Variants in ZDHHC17 observed in about 807,000 individuals in gnomAD.
ZDHHC17 encodes zDHHC palmitoyltransferase 17, also known as palmitoyltransferase ZDHHC17.
ZDHHC17 carries 40 observed loss-of-function variants against 90.3 expected under a neutral mutation model. The observed-to-expected ratio is 0.44, with a 90% CI of 0.34 to 0.58. The LOEUF is 0.58. Among genes scored for constraint, ZDHHC17 ranks in the 20% least tolerant of loss-of-function variants. The pLI is 0.01. For missense variants in ZDHHC17, 614 were observed against 780.8 expected (o/e 0.79, Z 2.55); for synonymous variants, 235 against 252.4 (o/e 0.93, Z 0.65).
chr12:76,770,793 C>T (rs530222867), intron 1 of ZDHHC17, among the ~76,000 whole-genome samples: 22 of 151,960 alleles, frequency 1.4e-4, no homozygotes, highest in African/African-American at 4.6e-4. Flanking sequence ...AAAAATTAGC[C>T]GGGCATGGGG....
intron 1 of ZDHHC17, among the ~76,000 whole-genome samples, chr12:76,794,081 TTC>T: frequency 6.6e-6 from 1 of 152,056 alleles, no homozygotes; most frequent in South Asian, 2.1e-4. Context: ...GAGACGGGGT[TTC>T]ACTGTGTTAG....
chr12:76,825,804 G>C (rs979205773), intron 8 of ZDHHC17, among the ~76,000 whole-genome samples: 1 of 152,070 alleles, frequency 6.6e-6, no homozygotes, highest in African/African-American at 2.4e-5. Flanking sequence ...TTCATACTCT[G>C]CTTTGTTAGA....
At chr12:76,828,272 CTG>C in intron 9 of ZDHHC17, 116 bp from the exon 10 acceptor site, 1 of 843,946 alleles carries the variant, frequency 1.2e-6, no homozygotes, top group East Asian at 2.9e-5. Flanking sequence ...ATCCTGAACT[CTG>C]GATTCTGGTG....
rs1162457417 is a variant in ZDHHC17, at chr12:76,764,169, T to TCGCGCTCGCCC, written c.-56_-46dup. ...AGGCCCGCGTCGCCTCCGGCGGGGC[T>TCGCGCTCGCCC]CGCGCTCGCCCCGCGCTCGCCCTCC... On this transcript the variant is annotated 5_prime_UTR_variant, in exon 1 of 17. Transcript: ENST00000426126. 41 of 920,552 alleles carry TCGCGCTCGCCC rather than the reference T, an allele frequency of 4.5e-5. No individual in the cohort carries two copies. Among genetic ancestry groups the TCGCGCTCGCCC allele is most frequent in the Non-Finnish European group, 5.0e-5 (33 of 656,766 alleles). 57.0% of individuals were successfully genotyped at this position (920,552 alleles called of 1,614,324 possible).
rs1952833230 is a variant in ZDHHC17 at position 76,797,417 on chromosome 12, G to T, written c.94-17G>T. 1 of 1,576,600 alleles carries T rather than the reference G, an allele frequency of 6.3e-7. No individual in the cohort carries two copies. The highest frequency in any genetic ancestry group is 1.2e-5 in the South Asian group (1 of 84,618). On this transcript the variant is annotated splice_polypyrimidine_tract_variant and intron_variant, in intron 1 of 16. Coordinates refer to ENST00000426126, the MANE Select transcript of ZDHHC17 (RefSeq NM_015336.4). ...CTTTTTTCAATTCTTGCCTGTGTGTGATTTTCTTTTTAACAGGAAATCAAA... is the reference window on the plus strand; with the variant it reads ...CTTTTTTCAATTCTTGCCTGTGTGTTATTTTCTTTTTAACAGGAAATCAAA...
At chr12:76,848,455 AATAAT>A in intron 15 of ZDHHC17, 65 bp downstream of exon 15, 2 of 1,517,602 alleles carry the variant, frequency 1.3e-6, no homozygotes, top group Non-Finnish European at 1.8e-6. Context: ...CATAAAAGAT[AATAAT>A]ATATTCTCTT....
intron 1 of ZDHHC17, among the ~76,000 whole-genome samples, chr12:76,777,830 C>T (rs531825006): frequency 1.8e-4 from 27 of 152,082 alleles, no homozygotes; most frequent in South Asian, 1.5e-3. Context: ...TAGGTTTGTG[C>T]GTGTGTGTCA....
chr12:76,812,259 T>C (rs1953033379), intron 5 of ZDHHC17, among the ~76,000 whole-genome samples: 1 of 152,162 alleles, frequency 6.6e-6, no homozygotes, highest in African/African-American at 2.4e-5. Flanking sequence ...AACCCCTGGA[T>C]ACCTTTGAGC....
intron 2 of ZDHHC17, 146 bp downstream of exon 2, chr12:76,797,683 C>A: frequency 1.9e-6 from 1 of 521,462 alleles, no homozygotes; most frequent in Non-Finnish European, 3.1e-6. Flanking sequence ...TGGCTCACAC[C>A]TGTAATCTCA....
At chr12:76,806,516 C>T (rs1238153195) in intron 3 of ZDHHC17, among the ~76,000 whole-genome samples, 3 of 152,124 alleles carry the variant, frequency 2.0e-5, no homozygotes, top group Non-Finnish European at 2.9e-5. Flanking sequence ...TAAATATAGG[C>T]ATATGCCACC....
intron 5 of ZDHHC17, among the ~76,000 whole-genome samples, chr12:76,810,178 A>T (rs1369416154): frequency 1.3e-5 from 2 of 152,026 alleles, no homozygotes; most frequent in Non-Finnish European, 2.9e-5. Flanking sequence ...AATTCATCCA[A>T]ACTTTTTTGA....
At chr12:76,842,292 T>A (rs1399339265) in intron 11 of ZDHHC17, among the ~76,000 whole-genome samples, 186 bp downstream of exon 11, 1 of 152,184 alleles carries the variant, frequency 6.6e-6, no homozygotes, top group African/African-American at 2.4e-5. Context: ...CCATAACACT[T>A]CCATGACATT....
intron 1 of ZDHHC17, among the ~76,000 whole-genome samples, chr12:76,795,683 T>C (rs1213451330): frequency 6.6e-6 from 1 of 152,170 alleles, no homozygotes; most frequent in Non-Finnish European, 1.5e-5. Flanking sequence ...AGAAATTAAA[T>C]AGAAAAGATT....
At chr12:76,845,141 A>G (rs1464347667) in intron 12 of ZDHHC17, 1 of 152,122 alleles carries the variant, frequency 6.6e-6, no homozygotes, top group Admixed American at 6.6e-5. Context: ...TTAATCTGAG[A>G]TCTCAGAAGG....
chr12:76,822,507 C>A lies in ZDHHC17; in HGVS notation c.873C>A (p.Phe291Leu), dbSNP rs748218976. Reference sequence around the variant, plus strand: ...CAAAAGGATATGACAATCCGTCCTTCCTTAGAAAGCTGAAAGCTGATAAGG... The same window carrying A: ...CAAAAGGATATGACAATCCGTCCTTACTTAGAAAGCTGAAAGCTGATAAGG... Reference protein sequence around the residue: ...RQAKGYDNPSFLRKLKADKEF... With the variant: ...RQAKGYDNPSLLRKLKADKEF... Residue 291 changes from phenylalanine to leucine, a missense_variant, in exon 8 of 17, where the codon TTC becomes TTA. By Grantham distance (22) the Phe-to-Leu change is conservative. Around this residue, in one of 5 missense-constraint regions of ZDHHC17, gnomAD observed 358 missense variants for 380.4 expected, o/e 0.94. Transcript: ENST00000426126. 2 of 1,605,608 alleles carry A rather than the reference C, an allele frequency of 1.2e-6. No homozygotes were observed. Among genetic ancestry groups the A allele is most frequent in the South Asian group, 2.2e-5 (2 of 89,902 alleles).
intron 7 of ZDHHC17, among the ~76,000 whole-genome samples, chr12:76,819,885 CG>C (rs1343476759): frequency 6.6e-6 from 1 of 150,882 alleles, no homozygotes; most frequent in Non-Finnish European, 1.5e-5. Flanking sequence ...CCCAGCTACT[CG>C]GGAGGCTGAG....
In ZDHHC17 at chr12:76,816,148, A is replaced by G. The variant is rs184421970; in HGVS notation, c.771+129A>G. 193 of 610,140 alleles carry G rather than the reference A, an allele frequency of 3.2e-4. 1 individual carries two copies. In the African/African-American group the frequency reaches 3.3e-3, roughly 11 times the overall value. 37.8% of individuals were successfully genotyped at this position (610,140 alleles called of 1,614,324 possible). A position where few individuals can be genotyped will look rare whatever the true frequency, so the allele number is the denominator to read the frequency against. ...TTCAATACAGGTTTACAGTTAAACC[A>G]CATTATGCATAATACATTTTAATAA... On this transcript the variant is annotated intron_variant, in intron 7 of 16. Transcript: ENST00000426126.
chr12:76,790,074 G>A (rs968572965), intron 1 of ZDHHC17, among the ~76,000 whole-genome samples: 2 of 152,128 alleles, frequency 1.3e-5, no homozygotes, highest in Non-Finnish European at 2.9e-5. Context: ...TTGTTAATAG[G>A]GGAAACAGCA....
intron 2 of ZDHHC17, among the ~76,000 whole-genome samples, chr12:76,798,567 AAGT>A (rs1322989740): frequency 6.6e-6 from 1 of 152,068 alleles, no homozygotes; most frequent in Non-Finnish European, 1.5e-5. Flanking sequence ...AAAAAAAAAA[AAGT>A]AGGGCATTGT....
Sources: allele counts gnomAD v4.1 joint callset (sites outside exome capture counted in the v4.1 genomes callset), GRCh38; gene constraint gnomAD v4.1.1; regional missense constraint gnomAD v4.1.1; transcripts MANE v1.5; gene names NCBI Gene and HGNC (gene_info 2026-07-23, HGNC 2026-07-21).